LRRTM4: variants seen among roughly 807,000 people sequenced by gnomAD.
LRRTM4 encodes the protein leucine-rich repeat transmembrane neuronal protein 4.
In LRRTM4, 25 loss-of-function variants were observed where a neutral mutation model predicts 47.6. The observed-to-expected ratio is 0.53, with a 90% CI of 0.38 to 0.73. LRRTM4 has a LOEUF of 0.73. Ranked by LOEUF, LRRTM4 falls within the 30% of genes least tolerant of loss-of-function variation. The pLI, the probability that LRRTM4 is intolerant of heterozygous loss-of-function variation, is 0.00. For synonymous variants in LRRTM4, 311 were observed against 269.5 expected, an observed-to-expected ratio of 1.15 and a Z score of -1.51; for missense variants, 638 against 713.4, an observed-to-expected ratio of 0.89 and a Z score of 1.20.
chr2:77,420,799 CATATATA>C (rs908368074), intron 3 of LRRTM4, among the ~76,000 whole-genome samples: 20 of 142,988 alleles, frequency 1.4e-4, no homozygotes, highest in African/African-American at 5.1e-4. Flanking sequence ...ATATATAATA[CATATATA>C]ATATATAATA....
rs184496534 is a variant in LRRTM4, at chr2:76,969,049, G to A, written c.1552-220133C>T. On this transcript the variant is annotated intron_variant, in intron 3 of 3. Transcript: ENST00000409884. Reference sequence around the variant, plus strand: ...TCCTCTACATACTACATTCAAGGTTGTATTACTCTCTATTTCACTTTTTAA... The same window carrying A: ...TCCTCTACATACTACATTCAAGGTTATATTACTCTCTATTTCACTTTTTAA... Among the ~76,000 whole-genome samples the A allele has an allele frequency of 1.3e-3, 190 of 151,996 alleles. 2 individuals carry two copies. The highest frequency in any genetic ancestry group is 2.1e-3 in the East Asian group (11 of 5,124).
At chr2:77,478,806 T>C (rs1677536105) in intron 3 of LRRTM4, among the ~76,000 whole-genome samples, 1 of 152,256 alleles carries the variant, frequency 6.6e-6, no homozygotes, top group South Asian at 2.1e-4. Context: ...TCAGAGTTTT[T>C]GTCTTTTTAA....
intron 3 of LRRTM4, among the ~76,000 whole-genome samples, chr2:77,220,251 G>A (rs549154162): frequency 4.3e-4 from 66 of 152,156 alleles, no homozygotes; most frequent in African/African-American, 1.5e-3. Flanking sequence ...CCACAAAGAT[G>A]GGGAAAAAAC....
chr2:77,192,696 C>T (rs1185353766), intron 3 of LRRTM4, among the ~76,000 whole-genome samples: 2 of 152,094 alleles, frequency 1.3e-5, no homozygotes, highest in East Asian at 3.9e-4. Flanking sequence ...ATCTTATCTA[C>T]ATTAAATCAA....
intron 3 of LRRTM4, among the ~76,000 whole-genome samples, chr2:77,191,608 G>C (rs1477062631): frequency 6.6e-6 from 1 of 151,518 alleles, no homozygotes; most frequent in East Asian, 1.9e-4. Flanking sequence ...ACCATTATAA[G>C]AAACACTATA....
intron 3 of LRRTM4, among the ~76,000 whole-genome samples, chr2:77,189,884 C>T (rs1360662725): frequency 6.6e-6 from 1 of 151,908 alleles, no homozygotes. Context: ...ACATATATAA[C>T]TGACTAGCTT....
At chr2:77,016,705 A>C (rs1678084136) in intron 3 of LRRTM4, among the ~76,000 whole-genome samples, 1 of 152,136 alleles carries the variant, frequency 6.6e-6, no homozygotes, top group South Asian at 2.1e-4. Context: ...CAGAAATGAT[A>C]AATGGAGGCC....
intron 3 of LRRTM4, among the ~76,000 whole-genome samples, chr2:77,080,776 T>C (rs896968209): frequency 6.6e-6 from 1 of 152,218 alleles, no homozygotes; most frequent in African/African-American, 2.4e-5. Flanking sequence ...GTCTGGGCCA[T>C]CATCATCTCT....
chr2:77,024,317 G>A (rs1171250067), intron 3 of LRRTM4, among the ~76,000 whole-genome samples: 1 of 152,086 alleles, frequency 6.6e-6, no homozygotes, highest in Non-Finnish European at 1.5e-5. Flanking sequence ...GATTCCACAT[G>A]TAAGTGAGAT....
intron 3 of LRRTM4, among the ~76,000 whole-genome samples, chr2:77,428,047 T>C (rs1675194927): frequency 6.6e-6 from 1 of 152,190 alleles, no homozygotes; most frequent in Non-Finnish European, 1.5e-5. Flanking sequence ...GAGTGAGTTC[T>C]CACAAGATCT....
intron 3 of LRRTM4, among the ~76,000 whole-genome samples, chr2:76,839,994 A>G (rs1333291381): frequency 2.0e-5 from 3 of 152,098 alleles, no homozygotes; most frequent in Non-Finnish European, 4.4e-5. Flanking sequence ...GGCCCTGAAG[A>G]CACAATGATG....
intron 3 of LRRTM4, among the ~76,000 whole-genome samples, chr2:77,333,440 A>C (rs1184107888): frequency 6.6e-6 from 1 of 152,166 alleles, no homozygotes; most frequent in African/African-American, 2.4e-5. Flanking sequence ...ATGTGGTCTC[A>C]CTGGGAGATA....
chr2:77,382,922 T>C (rs1357348330), intron 3 of LRRTM4, among the ~76,000 whole-genome samples: 9 of 152,022 alleles, frequency 5.9e-5, no homozygotes, highest in Non-Finnish European at 8.8e-5. Context: ...AAAAACTAAC[T>C]TGAGTGGAGC....
At chr2:76,905,717 G>T (rs570618986) in intron 3 of LRRTM4, among the ~76,000 whole-genome samples, 1 of 149,940 alleles carries the variant, frequency 6.7e-6, no homozygotes, top group Non-Finnish European at 1.5e-5. Flanking sequence ...CTCAGGAGCC[G>T]ATGCGATCAA....
At chr2:77,026,294 G>C (rs1422193295) in intron 3 of LRRTM4, among the ~76,000 whole-genome samples, 2 of 152,078 alleles carry the variant, frequency 1.3e-5, no homozygotes, top group African/African-American at 4.8e-5. Context: ...CCAGAAGGTA[G>C]ATATTATATT....
At chr2:76,875,010 C>T (rs1219191477) in intron 3 of LRRTM4, among the ~76,000 whole-genome samples, 1 of 152,032 alleles carries the variant, frequency 6.6e-6, no homozygotes, top group Non-Finnish European at 1.5e-5. Flanking sequence ...GCCAATATCT[C>T]TGATCTGTTT....
At chr2:77,330,103 T>G (rs1169055155) in intron 3 of LRRTM4, among the ~76,000 whole-genome samples, 2 of 152,126 alleles carry the variant, frequency 1.3e-5, no homozygotes, top group African/African-American at 4.8e-5. Flanking sequence ...GGCTGGAACC[T>G]TGGATGATAG....
chr2:77,203,215 C>T (rs1031156381), intron 3 of LRRTM4, among the ~76,000 whole-genome samples: 1 of 151,756 alleles, frequency 6.6e-6, no homozygotes, highest in Non-Finnish European at 1.5e-5. Flanking sequence ...TATGAGGTCC[C>T]CAGAGAGAGG....
At chr2:77,450,780 T>C (rs761751455) in intron 3 of LRRTM4, among the ~76,000 whole-genome samples, 4 of 152,160 alleles carry the variant, frequency 2.6e-5, no homozygotes, top group Non-Finnish European at 4.4e-5. Flanking sequence ...CCAATTATAA[T>C]ATTCTAAATT....
Sources: gnomAD v4.1 joint callset for allele counts (sites outside exome capture counted in the v4.1 genomes callset) on GRCh38, gnomAD v4.1.1 for gene constraint, MANE v1.5 for transcripts, NCBI Gene and HGNC (gene_info 2026-07-23, HGNC 2026-07-21) for gene names.